The following OTOGL variants were observed in gnomAD, a reference collection of about 807,000 sequenced individuals.
OTOGL encodes otogelin like.
A neutral mutation model predicts 318.5 loss-of-function variants in OTOGL; 285 were observed. That is an observed-to-expected ratio of 0.89 (90% CI 0.81 to 0.99). The LOEUF is 0.99. Ranked by LOEUF, OTOGL falls within the 50% of genes least tolerant of loss-of-function variation. The pLI is 0.00. For synonymous variants in OTOGL, 987 were observed against 936.5 expected, an observed-to-expected ratio of 1.05 and a Z score of -0.99; for missense variants, 2,899 against 2,845.6, an observed-to-expected ratio of 1.02 and a Z score of -0.43.
chr12:80,152,327 T>C (rs1872836145), intron 1 of OTOGL, among the ~76,000 whole-genome samples: 1 of 151,986 alleles, frequency 6.6e-6, no homozygotes, highest in South Asian at 2.1e-4. Context: ...TTGAAAGAGG[T>C]CTTGAGGCAT....
intron 38 of OTOGL, among the ~76,000 whole-genome samples, chr12:80,335,413 T>G (rs1453030952): frequency 6.6e-6 from 1 of 152,170 alleles, no homozygotes; most frequent in African/African-American, 2.4e-5. Context: ...AAATGGAATG[T>G]GATTTATAAA....
chr12:80,222,400 C>G (rs1006714854), intron 7 of OTOGL, among the ~76,000 whole-genome samples, 155 bp downstream of exon 7: 1 of 152,144 alleles, frequency 6.6e-6, no homozygotes, highest in African/African-American at 2.4e-5. Context: ...CCATATTACT[C>G]ACACTTCCTT....
chr12:80,278,046 A>G, intron 24 of OTOGL, 122 bp from the exon 25 acceptor site: 1 of 720,338 alleles, frequency 1.4e-6, no homozygotes, highest in South Asian at 2.0e-5. Flanking sequence ...AGTAGGTTAG[A>G]TAGAGTGCCT....
chr12:80,146,327 T>C (rs537244518), intron 1 of OTOGL, among the ~76,000 whole-genome samples: 3 of 147,580 alleles, frequency 2.0e-5, no homozygotes, highest in Admixed American at 2.0e-4. Context: ...ATGTGGTTTT[T>C]GTCTTTGGCT....
At position 80,170,468 on chromosome 12, in the gene OTOGL, C is replaced by G. The variant is rs538032642; in HGVS notation, c.-19-38945C>G. 2.0e-5 allele frequency among the ~76,000 whole-genome samples: 3 copies of G among 151,948 alleles called. No individual in the cohort carries two copies. The East Asian group carries it at 5.8e-4, about 29-fold the overall frequency. ...TTTTTTTTTGAGATGGAGTCTCACT[C>G]TGTTGCCCAGGCTGGAGTACAGTGG... On this transcript the variant is annotated intron_variant, in intron 1 of 58. Transcript: ENST00000547103.
At chr12:80,233,467 G>T (rs1478256808) in intron 9 of OTOGL, among the ~76,000 whole-genome samples, 1 of 152,064 alleles carries the variant, frequency 6.6e-6, no homozygotes, top group African/African-American at 2.4e-5. Flanking sequence ...AACCCATTTG[G>T]GTCAGATATG....
chr12:80,346,100 C>T (rs1889180423), intron 44 of OTOGL, among the ~76,000 whole-genome samples: 1 of 152,136 alleles, frequency 6.6e-6, no homozygotes, highest in African/African-American at 2.4e-5. Flanking sequence ...GGAATGAATG[C>T]AATACCAAAG....
chr12:80,263,819 CCTTAA>C (rs1200458299), intron 19 of OTOGL, among the ~76,000 whole-genome samples: 1 of 151,832 alleles, frequency 6.6e-6, no homozygotes, highest in Non-Finnish European at 1.5e-5. Flanking sequence ...CTTTAGTTAT[CCTTAA>C]CTTAATGTCA....
intron 11 of OTOGL, among the ~76,000 whole-genome samples, chr12:80,248,785 A>G (rs1189090891): frequency 2.0e-5 from 3 of 150,938 alleles, no homozygotes; most frequent in East Asian, 1.9e-4. Flanking sequence ...CATTCTCCCC[A>G]TCACTTTCAG....
intron 1 of OTOGL, among the ~76,000 whole-genome samples, chr12:80,187,148 G>C (rs138391588): frequency 1.3e-5 from 2 of 152,116 alleles, no homozygotes; most frequent in Non-Finnish European, 2.9e-5. Flanking sequence ...GCCTCAACAC[G>C]GACTTTTATA....
At chr12:80,251,144 G>A (rs184737679) in intron 11 of OTOGL, among the ~76,000 whole-genome samples, 10 of 152,202 alleles carry the variant, frequency 6.6e-5, no homozygotes, top group African/African-American at 1.9e-4. Flanking sequence ...GAATAACTAC[G>A]TTTTGGATTC....
chr12:80,373,935 T>A (rs1049781004), intron 57 of OTOGL, among the ~76,000 whole-genome samples: 1 of 152,126 alleles, frequency 6.6e-6, no homozygotes, highest in Non-Finnish European at 1.5e-5. Context: ...GTGGCAGGGC[T>A]AGAATGACTG....
chr12:80,241,208 A>T (rs1880346487), intron 11 of OTOGL, among the ~76,000 whole-genome samples: 2 of 151,906 alleles, frequency 1.3e-5, no homozygotes, highest in African/African-American at 2.4e-5. Flanking sequence ...AAAAATAACA[A>T]ATGTAATATT....
chr12:80,313,417 G>T, intron 30 of OTOGL, 59 bp from the exon 31 acceptor site: 1 of 1,476,652 alleles, frequency 6.8e-7, no homozygotes, highest in South Asian at 1.2e-5. Flanking sequence ...TTAGACGGTT[G>T]ACTTTAAATC....
chr12:80,371,843 T>G (rs1890890858), intron 56 of OTOGL, among the ~76,000 whole-genome samples, 176 bp from the exon 57 acceptor site: 2 of 152,176 alleles, frequency 1.3e-5, no homozygotes, highest in South Asian at 4.1e-4. Flanking sequence ...ACAAAATATC[T>G]ACTCCAGATT....
In OTOGL at chr12:80,306,382, T is replaced by TTGGAAATTGGAAAAC. The variant is rs1262437862; in HGVS notation, c.3333+687_3333+688insTGGAAATTGGAAAAC. 2.1e-4 allele frequency among the ~76,000 whole-genome samples: 32 copies of TTGGAAATTGGAAAAC among 152,296 alleles called. 1 individual carries two copies. The highest frequency in any genetic ancestry group is 3.8e-4 in the Non-Finnish European group (26 of 68,016). ...AAAATGCTGAACTCAGAAAACAGAG[T>TTGGAAATTGGAAAAC]CAAATTGGAAATTGGTTCTATTCTT... On this transcript the variant is annotated intron_variant, in intron 29 of 58. Transcript: ENST00000547103.
rs376268596 is a variant in OTOGL, at chr12:80,182,655, A to T, written c.-19-26758A>T. Among the ~76,000 whole-genome samples, 5 of 152,264 alleles carry T rather than the reference A, an allele frequency of 3.3e-5. No homozygotes were observed. The East Asian group carries it at 5.8e-4, about 18-fold the overall frequency. ...TGCTGGTCTAGAAGGAAGATTATGA[A>T]TTTTTCAGATAGAATGCAGTAGGGA... On this transcript the variant is annotated intron_variant, in intron 1 of 58. Coordinates refer to ENST00000547103, the MANE Select transcript of OTOGL (RefSeq NM_001378609.3).
At chr12:80,119,842 C>G (rs1392020348) in intron 1 of OTOGL, among the ~76,000 whole-genome samples, 1 of 152,156 alleles carries the variant, frequency 6.6e-6, no homozygotes, top group African/African-American at 2.4e-5. Context: ...GTTCACTCTA[C>G]TCATATGATG....
chr12:80,287,708 A>G (rs1048815990), intron 26 of OTOGL, among the ~76,000 whole-genome samples: 1 of 152,128 alleles, frequency 6.6e-6, no homozygotes, highest in Non-Finnish European at 1.5e-5. Context: ...ATCAGAGATT[A>G]GGATTACAAC....
Sources: gnomAD v4.1 joint callset for allele counts (sites outside exome capture counted in the v4.1 genomes callset) on GRCh38, gnomAD v4.1.1 for gene constraint, MANE v1.5 for transcripts, NCBI Gene and HGNC (gene_info 2026-07-23, HGNC 2026-07-21) for gene names.